Variants in DNAH14 observed in about 807,000 individuals in gnomAD.
DNAH14 encodes axonemal beta dynein heavy chain 14.
Under a neutral mutation model 520.9 loss-of-function variants are expected in DNAH14, and 478 were observed. That is an observed-to-expected ratio of 0.92 (90% CI 0.85 to 0.99). DNAH14 has a LOEUF of 0.99. DNAH14 is among the 50% of genes least tolerant of loss of function. The pLI is 0.00. For missense variants in DNAH14, 4,831 were observed against 5,234.5 expected, an observed-to-expected ratio of 0.92 and a Z score of 2.38; for synonymous variants, 1,581 against 1,757.2, an observed-to-expected ratio of 0.90 and a Z score of 2.51.
Position 225,007,397 on chromosome 1 carries a change from A to G in DNAH14, c.976-16A>G, listed in dbSNP as rs1572411523. 1.3e-6 allele frequency: 2 copies of G among 1,499,952 alleles called. No individual in the cohort carries two copies. The highest frequency in any genetic ancestry group is 4.5e-5 in the Admixed American group (2 of 44,114). The allele number at this position is 1,499,952 out of a possible 1,614,324, so 92.9% of individuals were successfully genotyped here. Reference sequence around the variant, plus strand: ...TTTGACTTTCTAACACTGAACATTTACTATCATCTAATTAGCTGGATAGTT... The same window carrying G: ...TTTGACTTTCTAACACTGAACATTTGCTATCATCTAATTAGCTGGATAGTT... On this transcript the variant is annotated splice_polypyrimidine_tract_variant and intron_variant, in intron 9 of 85. Transcript: ENST00000682510.
chr1:224,956,291 A>G (rs1441506612), intron 3 of DNAH14, among the ~76,000 whole-genome samples: 1 of 152,122 alleles, frequency 6.6e-6, no homozygotes, highest in African/African-American at 2.4e-5. Flanking sequence ...GTTTTTAGTA[A>G]TAATATATAG....
chr1:225,345,231 A>G (rs571075070), intron 69 of DNAH14, among the ~76,000 whole-genome samples: 1 of 152,318 alleles, frequency 6.6e-6, no homozygotes, highest in South Asian at 2.1e-4. Context: ...AAGCTGAAAT[A>G]CTGTGTTTAG....
chr1:225,347,028 G>T (rs1393921091), intron 71 of DNAH14, among the ~76,000 whole-genome samples: 1 of 152,000 alleles, frequency 6.6e-6, no homozygotes, highest in East Asian at 1.9e-4. Flanking sequence ...TATCCAAAAA[G>T]GTTAGACACA....
chr1:225,322,071 CTTTTTTTTTCTTTCTTT>C (rs2094564455), intron 61 of DNAH14, among the ~76,000 whole-genome samples: 1 of 109,694 alleles, frequency 9.1e-6, no homozygotes, highest in Non-Finnish European at 2.0e-5. Flanking sequence ...GAAGACTTTT[CTTTTTTTTTCTTTCTTT>C]TTTTTTTTTT....
chr1:225,043,340 G>A (rs986025340), intron 13 of DNAH14, among the ~76,000 whole-genome samples: 4 of 149,430 alleles, frequency 2.7e-5, no homozygotes, highest in Admixed American at 6.7e-5. Flanking sequence ...TAACAAATGA[G>A]AGATCATTTT....
chr1:225,336,109 A>G (rs1389872678), intron 66 of DNAH14, among the ~76,000 whole-genome samples: 1 of 149,676 alleles, frequency 6.7e-6, no homozygotes, highest in East Asian at 2.0e-4. Context: ...ATATATGTAT[A>G]AGACTACACA....
chr1:224,977,938 G>A (rs1195922674), intron 8 of DNAH14, among the ~76,000 whole-genome samples: 1 of 150,102 alleles, frequency 6.7e-6, no homozygotes, highest in African/African-American at 2.5e-5. Context: ...CCCAATCAGG[G>A]CAATGCAAGT....
intron 5 of DNAH14, 114 bp downstream of exon 5, chr1:224,964,723 G>C (rs1025670861): frequency 3.3e-5 from 31 of 941,880 alleles, no homozygotes; most frequent in Admixed American, 2.0e-4. Flanking sequence ...TTAATATCAA[G>C]TTACAATTAT....
intron 42 of DNAH14, 36 bp downstream of exon 42, chr1:225,231,187 A>G (rs981378392): frequency 6.9e-7 from 1 of 1,440,262 alleles, no homozygotes; most frequent in African/African-American, 1.4e-5. Flanking sequence ...TGTTTTAATA[A>G]CCATTAGGTG....
At chr1:225,315,171 C>G (rs188349450) in intron 60 of DNAH14, among the ~76,000 whole-genome samples, 1 of 151,660 alleles carries the variant, frequency 6.6e-6, no homozygotes, top group African/African-American at 2.4e-5. Context: ...TGCCTTCATG[C>G]TTTATTTCAT....
chr1:225,353,911 A>G, intron 73 of DNAH14, 23 bp downstream of exon 73: 1 of 1,273,196 alleles, frequency 7.9e-7, no homozygotes, highest in Non-Finnish European at 1.1e-6. Flanking sequence ...ATGAGGAAAT[A>G]TTAATATTCT....
intron 42 of DNAH14, among the ~76,000 whole-genome samples, chr1:225,240,105 T>G (rs1419611135): frequency 6.6e-6 from 1 of 152,144 alleles, no homozygotes; most frequent in East Asian, 1.9e-4. Flanking sequence ...AAATACAGGG[T>G]GAATGACTAT....
At position 225,237,746 on chromosome 1, in the gene DNAH14, A is replaced by G. The variant is rs543218389; in HGVS notation, c.6519-2847A>G. ...CTCCCCATCTCTTTCAAGAACCCCA[A>G]TCAGTCATAGGTTCGGTATCCTTAC... On this transcript the variant is annotated intron_variant, in intron 42 of 85. Coordinates refer to ENST00000682510, the MANE Select transcript of DNAH14 (RefSeq NM_001367479.1). Among the ~76,000 whole-genome samples, 156 of 152,230 alleles carry G rather than the reference A, an allele frequency of 1.0e-3. 2 individuals carry two copies. The highest frequency in any genetic ancestry group is 3.5e-3 in the African/African-American group (145 of 41,546).
At chr1:225,012,145 G>T (rs1382436981) in intron 10 of DNAH14, among the ~76,000 whole-genome samples, 1 of 152,046 alleles carries the variant, frequency 6.6e-6, no homozygotes, top group Non-Finnish European at 1.5e-5. Context: ...AGGCAGGCCT[G>T]GTGGTGACAA....
intron 67 of DNAH14, 46 bp from the exon 68 acceptor site, chr1:225,338,015 T>G: frequency 6.8e-7 from 1 of 1,481,218 alleles, no homozygotes; most frequent in Non-Finnish European, 8.9e-7. Context: ...TTCAACCAAT[T>G]TGTTTTAAGA....
intron 77 of DNAH14, among the ~76,000 whole-genome samples, chr1:225,373,325 C>T (rs114840555): frequency 2.0e-5 from 3 of 152,074 alleles, no homozygotes; most frequent in Admixed American, 2.0e-4. Flanking sequence ...CCTGTCCGAG[C>T]GTGGTGGTGC....
intron 71 of DNAH14, among the ~76,000 whole-genome samples, chr1:225,348,436 C>G (rs1246933218): frequency 1.3e-5 from 2 of 152,150 alleles, no homozygotes; most frequent in African/African-American, 4.8e-5. Flanking sequence ...TATAATCAAA[C>G]TGTCTAAAGT....
chr1:225,018,137 A>G (rs1284672388), intron 10 of DNAH14, among the ~76,000 whole-genome samples: 5 of 152,228 alleles, frequency 3.3e-5, no homozygotes, highest in African/African-American at 1.2e-4. Context: ...GTACAAGAGA[A>G]GGTCAAAACC....
At chr1:224,950,641 A>G (rs993833592) in intron 1 of DNAH14, among the ~76,000 whole-genome samples, 4 of 152,242 alleles carry the variant, frequency 2.6e-5, no homozygotes, top group Non-Finnish European at 2.9e-5. Flanking sequence ...TCCAAAGTCA[A>G]TGCTGAGGTT....
Sources: allele counts gnomAD v4.1 joint callset (sites outside exome capture counted in the v4.1 genomes callset), GRCh38; gene constraint gnomAD v4.1.1; transcripts MANE v1.5; gene names NCBI Gene and HGNC (gene_info 2026-07-23, HGNC 2026-07-21).